MAMDC4: variants seen among roughly 807,000 people sequenced by gnomAD.
The protein encoded by MAMDC4 is MAM domain containing 4.
Under a neutral mutation model 153.3 loss-of-function variants are expected in MAMDC4, and 168 were observed. The ratio of observed to expected loss-of-function variants is 1.10; its 90% CI spans 0.97 to 1.25. The LOEUF (loss-of-function observed/expected upper bound fraction) is 1.25, where lower values mean the gene tolerates loss of function less well. Ranked by LOEUF, MAMDC4 falls within the 50% of genes most tolerant of loss-of-function variation. MAMDC4 has a pLI of 0.00. For synonymous variants in MAMDC4, 744 were observed against 651.5 expected, an observed-to-expected ratio of 1.14 and a Z score of -2.16; for missense variants, 1,701 against 1,542.8, an observed-to-expected ratio of 1.10 and a Z score of -1.72.
chr9:136,857,401 G>A lies in MAMDC4; in HGVS notation c.2141G>A (p.Gly714Asp), dbSNP rs1376865024. 6.2e-7 allele frequency: 1 copy of A among 1,608,054 alleles called. No homozygotes were observed. Reference protein sequence around the residue: ...LFEGLRDGYHGTMALDDVAVR... With the variant: ...LFEGLRDGYHDTMALDDVAVR... The stretch of plus-strand genomic sequence containing the variant: ...GAGGGCCTCCGGGACGGATACCACG[G>A]CACCATGGCGCTGGACGATGTGGCC... The change falls in exon 18 of 27, where the codon GGC (glycine) becomes GAC (aspartate). Residue 714 changes from glycine to aspartate, a missense_variant. Gly to Asp is a moderately conservative substitution (Grantham distance 94, BLOSUM62 -1). Transcript: ENST00000317446.
chr9:136,860,408 C>G (rs1387589999), intron 26 of MAMDC4, among the ~76,000 whole-genome samples, 154 bp from the exon 27 acceptor site: 1 of 152,186 alleles, frequency 6.6e-6, no homozygotes, highest in Non-Finnish European at 1.5e-5. Context: ...GTAATCCCAA[C>G]TACTCGGGAG....
Position 136,858,491 on chromosome 9 carries a change from CACCCCCTCTCGTT to C in MAMDC4, c.2773_2785del (p.Arg926ProfsTer61), listed in dbSNP as rs1330702272. ...ACAGCTGGGACTGGGGCGGGGGAGC[CACCCCCTCTCGTT>C]ACCCCCAGCCCCCTGTGGACCACAC... On this transcript the variant is annotated frameshift_variant, in exon 22 of 27. Transcript: ENST00000317446. LOFTEE classifies it high-confidence loss of function. 6.2e-7 allele frequency: 1 copy of C among 1,607,714 alleles called. No individual in the cohort carries two copies.
Position 136,858,774 on chromosome 9 carries a change from G to T in MAMDC4, c.2877G>T (p.Trp959Cys). The T allele has an allele frequency of 1.9e-6, 3 of 1,610,784 alleles. No homozygotes were observed. The highest frequency in any genetic ancestry group is 2.5e-6 in the Non-Finnish European group (3 of 1,179,160). ...GVLGPGGRAAWLRSEPLPATP... is the reference protein window; with the variant it reads ...GVLGPGGRAACLRSEPLPATP... ...TGGGCCCCGGGGGCCGGGCCGCCTG[G>T]CTGCGCAGCGAGCCTCTGCCGGCCA... Residue 959 changes from tryptophan (W) to cysteine (C), a missense_variant, in exon 23 of 27, where the codon TGG (tryptophan) becomes TGT (cysteine). Trp to Cys is a radical substitution (Grantham distance 215). Coordinates refer to ENST00000317446, the MANE Select transcript of MAMDC4 (RefSeq NM_206920.3).
Position 136,857,030 on chromosome 9 carries a change from G to C in MAMDC4, c.1961G>C (p.Gly654Ala), listed in dbSNP as rs765091429. Residue 654 changes from glycine (G) to alanine (A), a missense_variant, in exon 16 of 27, where the codon GGG becomes GCG. Transcript: ENST00000317446. ...ECLSFWYHLH[G>A]PQIGTLRLAM... ...CTCAGCTTCTGGTACCACCTCCATGGGCCCCAGATTGGTGAGTGGACCTGG... is the reference window on the plus strand; with the variant it reads ...CTCAGCTTCTGGTACCACCTCCATGCGCCCCAGATTGGTGAGTGGACCTGG... 1 of 1,611,386 alleles carries C rather than the reference G, an allele frequency of 6.2e-7. No homozygotes were observed. The highest frequency in any genetic ancestry group is 2.2e-5 in the East Asian group (1 of 44,860).
rs1375038193 is a variant in MAMDC4 at position 136,857,265 on chromosome 9, T to C, written c.2073T>C (p.Leu691=). ...GCTGGCACGAGGCCTGGGCCACCCT[T>C]TCCCACCAGCCTGGCTCCCATGCCC... is the stretch of plus-strand genomic sequence containing the variant. ...GNRWHEAWAT[L]SHQPGSHAQY... The change falls in exon 17 of 27, where the codon CTT becomes CTC. Residue 691 remains leucine, a synonymous_variant. Transcript: ENST00000317446. The C allele has an allele frequency of 6.2e-7, 1 of 1,602,750 alleles. No homozygotes were observed. Among genetic ancestry groups the C allele is most frequent in the South Asian group, 1.1e-5 (1 of 89,740 alleles).
rs758430684 is a variant in MAMDC4 at position 136,855,018 on chromosome 9, C to G, written c.1105C>G (p.Arg369Gly). The G allele has an allele frequency of 4.4e-6, 7 of 1,600,522 alleles. No homozygotes were observed. The highest frequency in any genetic ancestry group is 6.0e-6 in the Non-Finnish European group (7 of 1,175,978). The change falls in exon 10 of 27, where the codon CGG becomes GGG. Residue 369 changes from arginine (R) to glycine (G), a missense_variant. Coordinates refer to ENST00000317446, the MANE Select transcript of MAMDC4 (RefSeq NM_206920.3). ...GCAGACTCTGGGGCCCGGCGCCCCC[C>G]GGGCCCCCGTCCTGCTGCGGAGGCG... ...FLQTLGPGAPRAPVLLRRRRG... is the reference protein window; with the variant it reads ...FLQTLGPGAPGAPVLLRRRRG...
chr9:136,855,443 T>C lies in MAMDC4; in HGVS notation c.1295T>C (p.Leu432Pro), dbSNP rs1848990033. ...TCTGCCCCCACAGAGGTGTCCACCC[T>C]GCAGCCGCTGCCTCCTGGGCCCCGG... Reference protein sequence around the residue: ...HCRPVSEVSTLQPLPPGPRAP... With the variant: ...HCRPVSEVSTPQPLPPGPRAP... The change falls in exon 12 of 27, where the codon CTG (leucine) becomes CCG (proline). Residue 432 changes from leucine to proline, a missense_variant. Transcript: ENST00000317446. The C allele has an allele frequency of 6.2e-7, 1 of 1,609,298 alleles. No individual in the cohort carries two copies. Among genetic ancestry groups the C allele is most frequent in the South Asian group, 1.1e-5 (1 of 90,746 alleles).
chr9:136,855,770 G>A lies in MAMDC4; in HGVS notation c.1510G>A (p.Glu504Lys), dbSNP rs1420794166. The change falls in exon 13 of 27, where the codon GAG (glutamate) becomes AAG (lysine). Residue 504 changes from glutamate to lysine, a missense_variant. Glu to Lys is a moderately conservative substitution (Grantham distance 56). Coordinates refer to ENST00000317446, the MANE Select transcript of MAMDC4 (RefSeq NM_206920.3). ...TGAGTCCCCCGAGGCTGGGGGCTGG[G>A]AGGACGCCAGCGTGGGGCGGCTGCA... ...DFESPEAGGW[E>K]DASVGRLQWR... 5.1e-6 allele frequency: 8 copies of A among 1,566,956 alleles called. No individual in the cohort carries two copies. The highest frequency in any genetic ancestry group is 6.9e-6 in the Non-Finnish European group (8 of 1,157,022).
At chr9:136,857,830 C>T in intron 19 of MAMDC4, 34 bp downstream of exon 19, 2 of 1,601,596 alleles carry the variant, frequency 1.2e-6, no homozygotes, top group Non-Finnish European at 1.7e-6. Flanking sequence ...CCAGTGGGCT[C>T]AGGGAAGCTT....
In MAMDC4 at chr9:136,855,717, C is replaced by T. The variant is rs751753343; in HGVS notation, c.1472-15C>T. 5.7e-6 allele frequency: 9 copies of T among 1,574,444 alleles called. No homozygotes were observed. The highest frequency in any genetic ancestry group is 4.6e-5 in the East Asian group (2 of 43,456). On this transcript the variant is annotated splice_polypyrimidine_tract_variant and intron_variant, in intron 12 of 26. Transcript: ENST00000317446. The stretch of plus-strand genomic sequence containing the variant: ...CTCTGAGGACTCTGCCATTCAGTGC[C>T]GGCTGCTGTTCCAGGCACCACAGAC...
In MAMDC4 at chr9:136,855,086, C is replaced by T. The variant is rs1357590465; in HGVS notation, c.1173C>T (p.Asp391=). The change falls in exon 10 of 27, where the codon GAC becomes GAT. Residue 391 remains aspartate (D), a synonymous_variant. Transcript: ENST00000317446. Reference sequence around the variant, plus strand: ...CCGCCTGGGTCCGAGACCGTGTTGACATCCAGAGCGCCTACCCCTTCCAGG... The same window carrying T: ...CCGCCTGGGTCCGAGACCGTGTTGATATCCAGAGCGCCTACCCCTTCCAGG... ...LGTAWVRDRV[D]IQSAYPFQIL... 66 of 1,586,468 alleles carry T rather than the reference C, an allele frequency of 4.2e-5. No homozygotes were observed. Among genetic ancestry groups the T allele is most frequent in the Non-Finnish European group, 5.6e-5 (65 of 1,167,096 alleles).
rs774333414 is a variant in MAMDC4 at position 136,855,021 on chromosome 9, G to GC, written c.1113dup (p.Val372ArgfsTer20). ...GACTCTGGGGCCCGGCGCCCCCCGG[G>GC]CCCCCGTCCTGCTGCGGAGGCGCCG... is the stretch of plus-strand genomic sequence containing the variant. On this transcript the variant is annotated frameshift_variant, in exon 10 of 27. Coordinates refer to ENST00000317446, the MANE Select transcript of MAMDC4 (RefSeq NM_206920.3). LOFTEE classifies it high-confidence loss of function. 1.3e-6 allele frequency: 2 copies of GC among 1,598,248 alleles called. No homozygotes were observed. The highest frequency in any genetic ancestry group is 3.5e-5 in the Admixed American group (2 of 56,686).
At position 136,858,743 on chromosome 9, in the gene MAMDC4, G is replaced by A. The variant is rs775191871; in HGVS notation, c.2846G>A (p.Gly949Asp). 5.5e-5 allele frequency: 89 copies of A among 1,611,748 alleles called. No homozygotes were observed. Among genetic ancestry groups the A allele is most frequent in the Middle Eastern group, 3.3e-4 (2 of 6,056 alleles). The change falls in exon 23 of 27, where the codon GGC becomes GAC. Residue 949 changes from glycine to aspartate, a missense_variant. Coordinates refer to ENST00000317446, the MANE Select transcript of MAMDC4 (RefSeq NM_206920.3). ...GGCCACTTTGCCTTCTTTGAAACTG[G>A]CGTGCTGGGCCCCGGGGGCCGGGCC... ...EAGHFAFFET[G>D]VLGPGGRAAW...
At position 136,856,831 on chromosome 9, in the gene MAMDC4, G is replaced by A; in HGVS notation, c.1837+5G>A. 6.2e-7 allele frequency: 1 copy of A among 1,612,520 alleles called. No individual in the cohort carries two copies. Among genetic ancestry groups the A allele is most frequent in the South Asian group, 1.1e-5 (1 of 91,012 alleles). On this transcript the variant is annotated splice_donor_5th_base_variant and intron_variant, in intron 15 of 26. Transcript: ENST00000317446. ...ACGACCACACCACAGGCCAAGGTAG[G>A]ATGGGCGCTCAGACCGGGGGTGGCT...
chr9:136,852,991 A>G, intron 1 of MAMDC4, 111 bp from the exon 2 acceptor site: 1 of 880,998 alleles, frequency 1.1e-6, no homozygotes, highest in Non-Finnish European at 1.8e-6. Context: ...TCCTGGTCTG[A>G]GGGGCATCCC....
At position 136,855,549 on chromosome 9, in the gene MAMDC4, G is replaced by C; in HGVS notation, c.1401G>C (p.Leu467=). 1.3e-6 allele frequency: 2 copies of C among 1,591,770 alleles called. No homozygotes were observed. Among genetic ancestry groups the C allele is most frequent in the Non-Finnish European group, 8.6e-7 (1 of 1,169,446 alleles). Reference sequence around the variant, plus strand: ...AGGGGCATCTTGCCTGCGGGGACCTGTGTGTGCCCCCGGAACAACTGTGTG... The same window carrying C: ...AGGGGCATCTTGCCTGCGGGGACCTCTGTGTGCCCCCGGAACAACTGTGTG... The part of the protein sequence containing the change: ...CKQGHLACGD[L]CVPPEQLCDF... Residue 467 remains leucine, a synonymous_variant, in exon 12 of 27, where the codon CTG becomes CTC. Coordinates refer to ENST00000317446, the MANE Select transcript of MAMDC4 (RefSeq NM_206920.3).
At position 136,856,367 on chromosome 9, in the gene MAMDC4, C is replaced by T. The variant is rs117950285; in HGVS notation, c.1720+218C>T. ...GGACAAGGTCCTTCTAGGGGCCCGC[C>T]GCCGGCCCTTCCGGGTGAGGAGGGC... On this transcript the variant is annotated intron_variant, in intron 14 of 26. Coordinates refer to ENST00000317446, the MANE Select transcript of MAMDC4 (RefSeq NM_206920.3). 1.1e-3 allele frequency: 983 copies of T among 896,242 alleles called. 2 individuals carry two copies. The highest frequency in any genetic ancestry group is 4.2e-3 in the East Asian group (175 of 41,452). The allele number at this position is 896,242 out of a possible 1,614,324, so 55.5% of individuals were successfully genotyped here.
chr9:136,856,648 C>A (rs1849008838), intron 14 of MAMDC4, 62 bp from the exon 15 acceptor site: 2 of 1,542,290 alleles, frequency 1.3e-6, no homozygotes, highest in Admixed American at 3.3e-5. Context: ...GAGCTTCCAC[C>A]TTCTCAGGGC....
rs1162565549 is a variant in MAMDC4 at position 136,853,090 on chromosome 9, A to G, written c.47-12A>G. ...CTGCCCCCAGGCCACCTGGCTGTCA[A>G]CCTCCCAGCAGCAGGGTCCTCAGGC... is the stretch of plus-strand genomic sequence containing the variant. On this transcript the variant is annotated splice_polypyrimidine_tract_variant and intron_variant, in intron 1 of 26. Coordinates refer to ENST00000317446, the MANE Select transcript of MAMDC4 (RefSeq NM_206920.3). 20 of 1,610,700 alleles carry G rather than the reference A, an allele frequency of 1.2e-5. No homozygotes were observed. Among genetic ancestry groups the G allele is most frequent in the African/African-American group, 2.7e-5 (2 of 74,852 alleles).
Sources: gnomAD v4.1 joint callset for allele counts (sites outside exome capture counted in the v4.1 genomes callset) on GRCh38, gnomAD v4.1.1 for gene constraint, MANE v1.5 for transcripts, NCBI Gene and HGNC (gene_info 2026-07-23, HGNC 2026-07-21) for gene names.